Variants in CALN1 observed in about 807,000 individuals in gnomAD.
CALN1 encodes the protein calcium-binding protein 8.
In CALN1, 17 loss-of-function variants were observed where a neutral mutation model predicts 30.6. The observed-to-expected ratio is 0.56, with a 90% CI of 0.38 to 0.83. The LOEUF is 0.83. CALN1 is among the 40% of genes least tolerant of loss of function. CALN1 has a pLI of 0.00. For missense variants in CALN1, 291 were observed against 354.9 expected, an observed-to-expected ratio of 0.82 and a Z score of 1.45; for synonymous variants, 156 against 131.4, an observed-to-expected ratio of 1.19 and a Z score of -1.28.
rs543696734 is a variant in CALN1, at chr7:72,401,430, A to C, written c.119+1821T>G. On this transcript the variant is annotated intron_variant, in intron 2 of 6. Transcript: ENST00000395275. ...CACTGCACAAAGAAAATCTTTAAGG[A>C]ATGTGTGGATACATCCCCAAGGAAT... Among the ~76,000 whole-genome samples the C allele has an allele frequency of 8.8e-4, 134 of 152,264 alleles. 1 individual carries two copies. In the South Asian group the frequency reaches 0.012, roughly 14 times the overall value.
chr7:71,802,796 G>A (rs1226516884), intron 6 of CALN1, among the ~76,000 whole-genome samples: 1 of 152,188 alleles, frequency 6.6e-6, no homozygotes, highest in Admixed American at 6.5e-5. Context: ...GCCGAGGATG[G>A]GGAATCACTT....
intron 2 of CALN1, among the ~76,000 whole-genome samples, chr7:72,345,514 A>G (rs1187685668): frequency 7.5e-6 from 1 of 133,024 alleles, no homozygotes; most frequent in Non-Finnish European, 1.6e-5. Flanking sequence ...GAAGGGAGGG[A>G]GGAAGGAAAT....
intron 1 of CALN1, among the ~76,000 whole-genome samples, chr7:72,424,196 G>A (rs916421991): frequency 1.3e-5 from 2 of 152,076 alleles, no homozygotes; most frequent in African/African-American, 4.8e-5. Flanking sequence ...TCAGTCTCAG[G>A]TGTCCAGTTC....
intron 2 of CALN1, among the ~76,000 whole-genome samples, chr7:72,289,142 A>G (rs1194413965): frequency 6.6e-6 from 1 of 152,252 alleles, no homozygotes; most frequent in African/African-American, 2.4e-5. Flanking sequence ...TGAGAAATCT[A>G]TAGGTATACT....
chr7:72,093,503 C>T (rs6959686), intron 4 of CALN1, among the ~76,000 whole-genome samples: 34,576 of 152,050 alleles, frequency 0.23, 4,869 homozygotes, highest in East Asian at 0.69. Context: ...CTAGTATCTA[C>T]TGCATGCATT....
intron 3 of CALN1, among the ~76,000 whole-genome samples, chr7:72,220,218 A>G (rs1793179753): frequency 1.7e-5 from 2 of 117,828 alleles, no homozygotes; most frequent in Non-Finnish European, 3.2e-5. Context: ...CAGTCCCTGG[A>G]GTGTGATGTT....
At chr7:71,967,198 A>C (rs1383003230) in intron 5 of CALN1, among the ~76,000 whole-genome samples, 1 of 152,230 alleles carries the variant, frequency 6.6e-6, no homozygotes, top group East Asian at 1.9e-4. Flanking sequence ...GATAAGATGC[A>C]TAAAGCATGA....
intron 2 of CALN1, among the ~76,000 whole-genome samples, chr7:72,290,639 G>A (rs1798414170): frequency 1.3e-5 from 2 of 152,138 alleles, no homozygotes; most frequent in African/African-American, 4.8e-5. Flanking sequence ...AGTCTTCACT[G>A]ATACATCATA....
At chr7:72,501,249 G>GA in the CALN1 span, among the ~76,000 whole-genome samples, 9 of 151,574 alleles carry the variant, frequency 5.9e-5, no homozygotes, top group African/African-American at 2.2e-4. Flanking sequence ...AACCACAGAG[G>GA]AGTCCAGGTG....
chr7:71,904,774 T>C (rs1267519388), intron 5 of CALN1, among the ~76,000 whole-genome samples: 2 of 152,242 alleles, frequency 1.3e-5, no homozygotes, highest in Non-Finnish European at 2.9e-5. Flanking sequence ...AATGTACGTA[T>C]ACTTCAAAAC....
chr7:72,172,902 T>C (rs571670710), intron 3 of CALN1, among the ~76,000 whole-genome samples: 2 of 152,218 alleles, frequency 1.3e-5, no homozygotes, highest in East Asian at 1.9e-4. Flanking sequence ...AAAGCAAATA[T>C]GTCCACTGTT....
intron 5 of CALN1, among the ~76,000 whole-genome samples, chr7:71,844,829 C>T (rs1465757472): frequency 2.0e-5 from 3 of 152,162 alleles, no homozygotes; most frequent in African/African-American, 7.2e-5. Context: ...GGAAACATCA[C>T]ATGTTTTAAA....
chr7:72,365,245 G>A (rs1034651483), intron 2 of CALN1, among the ~76,000 whole-genome samples: 1 of 151,944 alleles, frequency 6.6e-6, no homozygotes, highest in East Asian at 1.9e-4. Flanking sequence ...GGTTCAGCAA[G>A]ACCCCATCTT....
At chr7:72,229,714 T>C (rs1793944262) in intron 3 of CALN1, among the ~76,000 whole-genome samples, 1 of 151,864 alleles carries the variant, frequency 6.6e-6, no homozygotes, top group Non-Finnish European at 1.5e-5. Flanking sequence ...TTCTCACTCA[T>C]AAGTGGAAGT....
chr7:72,441,435 T>C (rs986961591), intron 1 of CALN1, among the ~76,000 whole-genome samples: 7 of 151,704 alleles, frequency 4.6e-5, no homozygotes, highest in Non-Finnish European at 7.4e-5. Context: ...CCGTCTCTAC[T>C]AAAAATATAA....
chr7:71,898,787 GC>G (rs1793688140), intron 5 of CALN1, among the ~76,000 whole-genome samples: 2 of 152,130 alleles, frequency 1.3e-5, no homozygotes, highest in African/African-American at 4.8e-5. Context: ...CTGACAGATT[GC>G]CCTCAAGAAA....
intron 3 of CALN1, among the ~76,000 whole-genome samples, chr7:72,231,539 C>G (rs1794100627): frequency 6.6e-6 from 1 of 152,218 alleles, no homozygotes; most frequent in South Asian, 2.1e-4. Flanking sequence ...CACTGATGGG[C>G]ATTTGGGTTG....
intron 2 of CALN1, among the ~76,000 whole-genome samples, chr7:72,294,244 A>T (rs1165996657): frequency 6.6e-6 from 1 of 152,178 alleles, no homozygotes; most frequent in East Asian, 1.9e-4. Flanking sequence ...TATGAAGTAA[A>T]TCATGAGGAA....
Position 72,374,460 on chromosome 7 carries a change from G to A in CALN1, c.119+28791C>T, listed in dbSNP as rs114706943. Among the ~76,000 whole-genome samples the A allele has an allele frequency of 4.6e-3, 699 of 151,098 alleles. 5 individuals carry two copies. The highest frequency in any genetic ancestry group is 0.017 in the Middle Eastern group (5 of 294). ...AGGAGAATAGCTTGAACCTGGGGGA[G>A]GCAGAGGTTGCAGTGAGCCAAGATT... On this transcript the variant is annotated intron_variant, in intron 2 of 6. Transcript: ENST00000395275.
Sources: allele counts gnomAD v4.1 joint callset (sites outside exome capture counted in the v4.1 genomes callset), GRCh38; gene constraint gnomAD v4.1.1; transcripts MANE v1.5; gene names NCBI Gene and HGNC (gene_info 2026-07-23, HGNC 2026-07-21).